GALNT15: variants seen among roughly 807,000 people sequenced by gnomAD.
GALNT15 encodes the protein UDP-GalNAc transferase T15.
Under a neutral mutation model 66.8 loss-of-function variants are expected in GALNT15, and 67 were observed. That is an observed-to-expected ratio of 1.00 (90% CI 0.82 to 1.23). The LOEUF (loss-of-function observed/expected upper bound fraction) is 1.23. Among genes scored for constraint, GALNT15 ranks in the 50% most tolerant of loss-of-function variants. GALNT15 has a pLI of 0.00. For missense variants in GALNT15, 827 were observed against 804.3 expected (o/e 1.03, Z -0.34); for synonymous variants, 313 against 311.5 (o/e 1.00, Z -0.05).
In GALNT15 at chr3:16,180,084, G is replaced by C. The variant is rs530822007; in HGVS notation, c.539+4394G>C. Among the ~76,000 whole-genome samples the C allele has an allele frequency of 2.0e-5, 3 of 152,152 alleles. No individual in the cohort carries two copies. Among genetic ancestry groups the C allele is most frequent in the Non-Finnish European group, 4.4e-5 (3 of 68,018 alleles). ...TCTACATCTACGGCTGAACTTGAGCGTGCATCCGAACAACTAGATGGCTTG... is the reference window on the plus strand; with the variant it reads ...TCTACATCTACGGCTGAACTTGAGCCTGCATCCGAACAACTAGATGGCTTG... On this transcript the variant is annotated intron_variant, in intron 1 of 9. Transcript: ENST00000339732. This position sits in a 1 kb window ranked among gnomAD's most constrained non-coding sequence, Gnocchi z 5.0.
Position 16,227,911 on chromosome 3 carries a change from A to T in GALNT15, c.*411A>T. 2 of 1,005,148 alleles carry T rather than the reference A, an allele frequency of 2.0e-6. No individual in the cohort carries two copies. The highest frequency in any genetic ancestry group is 2.4e-6 in the Non-Finnish European group (2 of 843,156). The allele number at this position is 1,005,148 out of a possible 1,614,324, so 62.3% of individuals were successfully genotyped here. A position where few individuals can be genotyped will look rare whatever the true frequency, so the allele number is the denominator to read the frequency against. On this transcript the variant is annotated 3_prime_UTR_variant, in exon 10 of 10. Coordinates refer to ENST00000339732, the MANE Select transcript of GALNT15 (RefSeq NM_054110.5). The surrounding 1 kb of genome is among the most constrained non-coding windows in gnomAD (Gnocchi z 4.5). ...CTTAACTTGGATTGTCTGTTTGGCC[A>T]ACCATGAAAATTAAAGAGTGAAGCA...
Position 16,212,818 on chromosome 3 carries a change from G to A in GALNT15, c.1392+55G>A, listed in dbSNP as rs962671915. 8 of 1,501,518 alleles carry A rather than the reference G, an allele frequency of 5.3e-6. No individual in the cohort carries two copies. In the Admixed American group the frequency reaches 1.3e-4, roughly 24 times the overall value. 93.0% of individuals were successfully genotyped at this position (1,501,518 alleles called of 1,614,324 possible). ...GTCCAGCACAGGGCCACTAGCAGGAGGTGGGCCAGGGAGGGCTCCTTTCTC... is the reference window on the plus strand; with the variant it reads ...GTCCAGCACAGGGCCACTAGCAGGAAGTGGGCCAGGGAGGGCTCCTTTCTC... On this transcript the variant is annotated intron_variant, in intron 6 of 9. Coordinates refer to ENST00000339732, the MANE Select transcript of GALNT15 (RefSeq NM_054110.5).
chr3:16,247,786 G>A, the GALNT15 span, among the ~76,000 whole-genome samples: 17 of 152,174 alleles, frequency 1.1e-4, no homozygotes, highest in African/African-American at 3.6e-4. Flanking sequence ...GGCTTCCCTC[G>A]ACCTCAGTCT....
the GALNT15 span, among the ~76,000 whole-genome samples, chr3:16,237,414 T>G: frequency 3.2e-4 from 48 of 152,304 alleles, no homozygotes; most frequent in Middle Eastern, 6.8e-3. This position sits in a 1 kb window ranked among gnomAD's most constrained non-coding sequence, Gnocchi z 4.2. Context: ...CAAGGCTGGT[T>G]CCAGATAAAA....
In GALNT15 at chr3:16,229,046, C is replaced by T. The variant is rs2064054303; in HGVS notation, c.*1546C>T. ...AACAGCATTCATATTCATTTTTCCC[C>T]AGATGGAGTTACCTACCTTTCCACA... is the stretch of plus-strand genomic sequence containing the variant. On this transcript the variant is annotated 3_prime_UTR_variant, in exon 10 of 10. Transcript: ENST00000339732. 3 of 985,440 alleles carry T rather than the reference C, an allele frequency of 3.0e-6. No individual in the cohort carries two copies. The highest frequency in any genetic ancestry group is 3.6e-6 in the Non-Finnish European group (3 of 829,942). 61.0% of individuals were successfully genotyped at this position (985,440 alleles called of 1,614,324 possible).
At position 16,219,859 on chromosome 3, in the gene GALNT15, G is replaced by A; in HGVS notation, c.1525-51G>A. 1 of 1,420,666 alleles carries A rather than the reference G, an allele frequency of 7.0e-7. No individual in the cohort carries two copies. Among genetic ancestry groups the A allele is most frequent in the Non-Finnish European group, 1.0e-6 (1 of 1,004,190 alleles). The allele number at this position is 1,420,666 out of a possible 1,614,324, so 88.0% of individuals were successfully genotyped here. On this transcript the variant is annotated intron_variant, in intron 7 of 9. Transcript: ENST00000339732. The surrounding 1 kb of genome is among the most constrained non-coding windows in gnomAD (Gnocchi z 4.3). ...AAAGGAATGGTGTCTGACCGAGGGT[G>A]TCTTTACAGTGGAATCTGGAATTCA...
In GALNT15 at chr3:16,180,975, A is replaced by T. The variant is rs1430003082; in HGVS notation, c.539+5285A>T. Among the ~76,000 whole-genome samples, 1 of 152,214 alleles carries T rather than the reference A, an allele frequency of 6.6e-6. No homozygotes were observed. The highest frequency in any genetic ancestry group is 1.5e-5 in the Non-Finnish European group (1 of 68,046). On this transcript the variant is annotated intron_variant, in intron 1 of 9. Coordinates refer to ENST00000339732, the MANE Select transcript of GALNT15 (RefSeq NM_054110.5). This position sits in a 1 kb window ranked among gnomAD's most constrained non-coding sequence, Gnocchi z 5.0. ...AGTTCCTCAACTGTAAAATGGGATA[A>T]TAATAACACCCTTGCATAAGGTTGT... is the stretch of plus-strand genomic sequence containing the variant.
At chr3:16,202,070 A>C (rs2063709297) in intron 3 of GALNT15, among the ~76,000 whole-genome samples, 1 of 152,240 alleles carries the variant, frequency 6.6e-6, no homozygotes, top group East Asian at 1.9e-4. Context: ...AATATAAGAA[A>C]AAATTCCTGG....
rs1421478398 is a variant in GALNT15 at position 16,211,713 on chromosome 3, C to T, written c.1197+472C>T. Among the ~76,000 whole-genome samples, 1 of 152,160 alleles carries T rather than the reference C, an allele frequency of 6.6e-6. No individual in the cohort carries two copies. Among genetic ancestry groups the T allele is most frequent in the African/African-American group, 2.4e-5 (1 of 41,430 alleles). Reference sequence around the variant, plus strand: ...CTTGGAGTCACCCTCATTTCCTGTCCCACATTGCTTTTCTAGCATGATACT... The same window carrying T: ...CTTGGAGTCACCCTCATTTCCTGTCTCACATTGCTTTTCTAGCATGATACT... On this transcript the variant is annotated intron_variant, in intron 5 of 9. Transcript: ENST00000339732. The surrounding 1 kb of genome is among the most constrained non-coding windows in gnomAD (Gnocchi z 4.3).
chr3:16,206,436 A>C (rs866239092), intron 3 of GALNT15, among the ~76,000 whole-genome samples: 5 of 151,382 alleles, frequency 3.3e-5, no homozygotes, highest in African/African-American at 9.7e-5. Flanking sequence ...GCACTTTGGG[A>C]GGCTGAGGTT....
Position 16,222,668 on chromosome 3 carries a change from G to A in GALNT15, c.1683G>A (p.Leu561=), listed in dbSNP as rs779392633. 1 of 1,614,232 alleles carries A rather than the reference G, an allele frequency of 6.2e-7. No homozygotes were observed. The highest frequency in any genetic ancestry group is 1.1e-5 in the South Asian group (1 of 91,084). ...KEIHFGSPQH[L]CFAVRQEQVI... Reference sequence around the variant, plus strand: ...TTCACTTTGGCAGCCCACAGCACCTGTGCTTTGCTGTCAGGCAGGAGCAGG... The same window carrying A: ...TTCACTTTGGCAGCCCACAGCACCTATGCTTTGCTGTCAGGCAGGAGCAGG... The change falls in exon 9 of 10, where the codon CTG becomes CTA. Residue 561 remains leucine, a synonymous_variant. Coordinates refer to ENST00000339732, the MANE Select transcript of GALNT15 (RefSeq NM_054110.5).
downstream of GALNT15, among the ~76,000 whole-genome samples, chr3:16,232,474 ATATAT>A (rs1559698331): frequency 0.075 from 3,858 of 51,330 alleles, 129 homozygotes; most frequent in East Asian, 0.14. Context: ...AAATAAATAT[ATATAT>A]ATATATATAT....
chr3:16,196,125 C>T (rs9834145), intron 2 of GALNT15, among the ~76,000 whole-genome samples, 199 bp downstream of exon 2: 14,853 of 152,132 alleles, frequency 0.098, 1,094 homozygotes, highest in African/African-American at 0.2. Context: ...GGCTGCAAGA[C>T]AGAGAAGGAG....
chr3:16,213,671 CCA>C (rs1182359392), intron 6 of GALNT15, among the ~76,000 whole-genome samples: 1 of 152,090 alleles, frequency 6.6e-6, no homozygotes, highest in African/African-American at 2.4e-5. Flanking sequence ...TTCCCAGGAC[CCA>C]CAACAGTCCT....
At chr3:16,232,469 AAT>A (rs374444719), downstream of GALNT15, among the ~76,000 whole-genome samples, 1,571 of 38,578 alleles carry the variant, frequency 0.041, 45 homozygotes, top group Non-Finnish European at 0.062. Flanking sequence ...TAAATAAATA[AAT>A]ATATATATAT....
At chr3:16,192,389 GCT>G (rs1398239808) in intron 1 of GALNT15, among the ~76,000 whole-genome samples, 2 of 152,124 alleles carry the variant, frequency 1.3e-5, no homozygotes, top group African/African-American at 4.8e-5. Context: ...CAAACCCAGG[GCT>G]CTCTGTCCCA....
At position 16,211,600 on chromosome 3, in the gene GALNT15, G is replaced by A. The variant is rs562375759; in HGVS notation, c.1197+359G>A. Among the ~76,000 whole-genome samples, 1 of 152,320 alleles carries A rather than the reference G, an allele frequency of 6.6e-6. No homozygotes were observed. Among genetic ancestry groups the A allele is most frequent in the South Asian group, 2.1e-4 (1 of 4,824 alleles). On this transcript the variant is annotated intron_variant, in intron 5 of 9. Coordinates refer to ENST00000339732, the MANE Select transcript of GALNT15 (RefSeq NM_054110.5). The surrounding 1 kb of genome is among the most constrained non-coding windows in gnomAD (Gnocchi z 4.3). The stretch of plus-strand genomic sequence containing the variant: ...CCATAGTCCAAAACAAATACCTGAA[G>A]TTCTGTGTATTGAGTAGTTTGGTCC...
chr3:16,197,155 G>A (rs1559681260), intron 2 of GALNT15, among the ~76,000 whole-genome samples: 1 of 152,220 alleles, frequency 6.6e-6, no homozygotes, highest in Non-Finnish European at 1.5e-5. Flanking sequence ...CTGTGGTGAG[G>A]CCCCCACCAT....
chr3:16,235,222 C>T (rs185964000), downstream of GALNT15, among the ~76,000 whole-genome samples: 957 of 152,202 alleles, frequency 6.3e-3, 15 homozygotes, highest in African/African-American at 0.021. Flanking sequence ...CGTGCCTGGC[C>T]GGTCCTTACC....
Sources: allele counts gnomAD v4.1 joint callset (sites outside exome capture counted in the v4.1 genomes callset), GRCh38; gene constraint gnomAD v4.1.1; non-coding constraint Gnocchi (gnomAD v3.1); transcripts MANE v1.5; gene names NCBI Gene and HGNC (gene_info 2026-07-23, HGNC 2026-07-21).